COX10: variants seen among roughly 807,000 people sequenced by gnomAD.
COX10 encodes protoheme IX farnesyltransferase, mitochondrial.
Under a neutral mutation model 37.3 loss-of-function variants are expected in COX10, and 27 were observed. The observed-to-expected ratio is 0.72, with a 90% confidence interval of 0.53 to 1.00. COX10 has a LOEUF of 1.00. Ranked by LOEUF, COX10 falls within the 50% of genes least tolerant of loss-of-function variation. The pLI, the probability that COX10 is intolerant of heterozygous loss-of-function variation, is 0.00. For synonymous variants in COX10, 222 were observed against 229.1 expected, an observed-to-expected ratio of 0.97 and a Z score of 0.28; for missense variants, 475 against 563.2, an observed-to-expected ratio of 0.84 and a Z score of 1.59.
intron 5 of COX10, among the ~76,000 whole-genome samples, chr17:14,175,089 G>GA (rs1490707694): frequency 1.2e-5 from 1 of 80,816 alleles, no homozygotes; most frequent in African/African-American, 3.5e-5. Flanking sequence ...ATAGCGGGGG[G>GA]GGGGGGGGTG....
rs188397567 is a variant in COX10 at position 14,183,669 on chromosome 17, A to G, written c.696-8320A>G. On this transcript the variant is annotated intron_variant, in intron 5 of 6. Coordinates refer to ENST00000261643, the MANE Select transcript of COX10 (RefSeq NM_001303.4). ...TAAAATTGAAGATAAAAATAGTGGT[A>G]TATTCATAAGTCTTTATAAGTCTGA... is the stretch of plus-strand genomic sequence containing the variant. Among the ~76,000 whole-genome samples, 17 of 152,422 alleles carry G rather than the reference A, an allele frequency of 1.1e-4. No homozygotes were observed. In the East Asian group the frequency reaches 3.3e-3, roughly 29 times the overall value.
At chr17:14,076,494 G>A (rs1915155212) in intron 2 of COX10, among the ~76,000 whole-genome samples, 1 of 152,042 alleles carries the variant, frequency 6.6e-6, no homozygotes, top group Non-Finnish European at 1.5e-5. Flanking sequence ...TATATTTCTA[G>A]GCTTTTCTAA....
chr17:14,176,480 C>G (rs750100869), intron 5 of COX10, among the ~76,000 whole-genome samples: 1 of 152,238 alleles, frequency 6.6e-6, no homozygotes. Flanking sequence ...CTCTTCTCTA[C>G]TGAGAGTCTC....
chr17:14,150,008 C>A (rs985115357), intron 4 of COX10, among the ~76,000 whole-genome samples: 5 of 152,132 alleles, frequency 3.3e-5, no homozygotes, highest in African/African-American at 9.7e-5. Flanking sequence ...CAGTGACTCA[C>A]GCCTGTAATC....
At chr17:14,177,418 C>T (rs906175378) in intron 5 of COX10, 1 of 417,186 alleles carries the variant, frequency 2.4e-6, no homozygotes, top group African/African-American at 2.3e-5. Context: ...TTCCTGTTTT[C>T]CTCCTATTTA....
At chr17:14,155,870 A>T (rs548083093) in intron 4 of COX10, among the ~76,000 whole-genome samples, 5 of 152,240 alleles carry the variant, frequency 3.3e-5, no homozygotes, top group Admixed American at 2.6e-4. Context: ...GGCCCTCATC[A>T]TCTCTTACCT....
chr17:14,202,242 A>G (rs1184107465), intron 6 of COX10, among the ~76,000 whole-genome samples: 1 of 145,912 alleles, frequency 6.9e-6, no homozygotes, highest in Non-Finnish European at 1.5e-5. Flanking sequence ...TTTTTTTTTA[A>G]GAATTGATGT....
intron 5 of COX10, chr17:14,179,274 T>C: frequency 5.3e-6 from 5 of 938,880 alleles, no homozygotes; most frequent in Non-Finnish European, 6.3e-6. Context: ...CAGACTTATA[T>C]TTTTAAGGTA....
At chr17:14,148,699 T>G (rs961403576) in intron 4 of COX10, among the ~76,000 whole-genome samples, 1 of 152,144 alleles carries the variant, frequency 6.6e-6, no homozygotes, top group Non-Finnish European at 1.5e-5. Context: ...CTAGAATACA[T>G]CTGCCTTTTG....
chr17:14,087,685 G>GTT (rs77696522), intron 3 of COX10, among the ~76,000 whole-genome samples: 2 of 140,958 alleles, frequency 1.4e-5, no homozygotes, highest in Non-Finnish European at 1.6e-5. Context: ...TCTCCGAAAG[G>GTT]TTTTTTTTTT....
At chr17:14,169,411 C>T (rs1905389257) in intron 5 of COX10, among the ~76,000 whole-genome samples, 1 of 152,150 alleles carries the variant, frequency 6.6e-6, no homozygotes, top group African/African-American at 2.4e-5. Context: ...CAAATTTTTC[C>T]AAGCCCTGCC....
At chr17:14,133,159 G>A (rs1916503812) in intron 4 of COX10, among the ~76,000 whole-genome samples, 1 of 151,532 alleles carries the variant, frequency 6.6e-6, no homozygotes, top group South Asian at 2.1e-4. Flanking sequence ...TTAAAAATAA[G>A]CCAAGTTTAT....
chr17:14,113,766 C>A (rs1364617372), intron 4 of COX10, among the ~76,000 whole-genome samples: 4 of 152,228 alleles, frequency 2.6e-5, no homozygotes, highest in Admixed American at 6.5e-5. Context: ...CTGGTAATTG[C>A]AAATGTGTTT....
intron 6 of COX10, among the ~76,000 whole-genome samples, chr17:14,200,558 A>G (rs1163318746): frequency 6.6e-6 from 1 of 152,174 alleles, no homozygotes; most frequent in East Asian, 1.9e-4. Context: ...GGAGGGAAGT[A>G]ACGATGCCCT....
intron 4 of COX10, among the ~76,000 whole-genome samples, chr17:14,142,338 T>C (rs1904571934): frequency 6.6e-6 from 1 of 151,888 alleles, no homozygotes; most frequent in Admixed American, 6.6e-5. Context: ...GACAGAAAAC[T>C]GTGACACAGG....
chr17:14,073,664 G>C (rs1161749486), intron 1 of COX10, among the ~76,000 whole-genome samples: 2 of 152,182 alleles, frequency 1.3e-5, no homozygotes, highest in Admixed American at 1.3e-4. Context: ...AGAATGCAGA[G>C]AACCAGGAAC....
chr17:14,093,413 A>C (rs1479801398), intron 3 of COX10, among the ~76,000 whole-genome samples: 1 of 152,190 alleles, frequency 6.6e-6, no homozygotes, highest in African/African-American at 2.4e-5. Flanking sequence ...CTTAGAGACC[A>C]ATACTCCCAA....
At chr17:14,100,818 G>C (rs747568068) in intron 3 of COX10, among the ~76,000 whole-genome samples, 1 of 95,666 alleles carries the variant, frequency 1.0e-5, no homozygotes, top group South Asian at 3.9e-4. Context: ...GACCAGTTAG[G>C]GGGTAAAGCT....
intron 5 of COX10, among the ~76,000 whole-genome samples, chr17:14,174,442 G>C (rs539147189): frequency 5.2e-4 from 72 of 138,294 alleles, no homozygotes; most frequent in Middle Eastern, 4.1e-3. Context: ...CTGGGTGACA[G>C]AGCAAGACCC....
Sources: gnomAD v4.1 joint callset for allele counts (sites outside exome capture counted in the v4.1 genomes callset) on GRCh38, gnomAD v4.1.1 for gene constraint, MANE v1.5 for transcripts, NCBI Gene and HGNC (gene_info 2026-07-23, HGNC 2026-07-21) for gene names.